TTLL6: variants seen among roughly 807,000 people sequenced by gnomAD.
The protein encoded by TTLL6 is tubulin tyrosine ligase like 6.
A neutral mutation model predicts 96.4 loss-of-function variants in TTLL6; 75 were observed. The observed-to-expected ratio is 0.78, with a 90% CI of 0.65 to 0.94. The LOEUF is 0.94. Ranked by LOEUF, TTLL6 falls within the 40% of genes least tolerant of loss-of-function variation. The pLI is 0.00. For synonymous variants in TTLL6, 411 were observed against 419.4 expected (o/e 0.98, Z 0.24); for missense variants, 1,030 against 1,093.0 (o/e 0.94, Z 0.81).
At chr17:48,765,902 G>A (rs1469792457) in intron 15 of TTLL6, 1 of 152,222 alleles carries the variant, frequency 6.6e-6, no homozygotes, top group Non-Finnish European at 1.5e-5. Context: ...TATTATGGCA[G>A]AAAAGATCTA....
chr17:48,812,562 A>T (rs2039611898), intron 1 of TTLL6, among the ~76,000 whole-genome samples: 1 of 152,216 alleles, frequency 6.6e-6, no homozygotes, highest in African/African-American at 2.4e-5. Flanking sequence ...TACTCATTTG[A>T]CTTAATGCAA....
rs148387198 is a variant in TTLL6 at position 48,778,614 on chromosome 17, A to T, written c.2040+6309T>A. ...AGTTTGAAACCAGCCTGGGCAACAA[A>T]GCAAGACTCAGTCTCTTAAAAAAAA... On this transcript the variant is annotated intron_variant, in intron 13 of 15. Coordinates refer to ENST00000393382, the MANE Select transcript of TTLL6 (RefSeq NM_001130918.3). Among the ~76,000 whole-genome samples, 610 of 148,642 alleles carry T rather than the reference A, an allele frequency of 4.1e-3. 1 individual carries two copies. The highest frequency in any genetic ancestry group is 0.014 in the African/African-American group (564 of 40,258).
rs769896244 is a variant in TTLL6, at chr17:48,790,144, C to A, written c.1225-38G>T. The A allele has an allele frequency of 1.9e-6, 3 of 1,606,090 alleles. No individual in the cohort carries two copies. The South Asian group carries it at 3.3e-5, about 18-fold the overall frequency. ...GATTGGCAGCTGGTGACAAAGCCGT[C>A]CAGAATGAAAGCAGAGAGTGAGGCC... On this transcript the variant is annotated intron_variant, in intron 9 of 15. Coordinates refer to ENST00000393382, the MANE Select transcript of TTLL6 (RefSeq NM_001130918.3).
chr17:48,793,810 T>C (rs777420041), intron 8 of TTLL6, among the ~76,000 whole-genome samples: 3 of 151,976 alleles, frequency 2.0e-5, no homozygotes, highest in Non-Finnish European at 4.4e-5. Context: ...CTTCATAGTG[T>C]TGTTGTGAGG....
At chr17:48,784,857 G>T in intron 13 of TTLL6, 66 bp downstream of exon 13, 1 of 1,408,742 alleles carries the variant, frequency 7.1e-7, no homozygotes, top group Non-Finnish European at 9.9e-7. Flanking sequence ...AGCAAGTTGG[G>T]GGTAGAGAAA....
intron 9 of TTLL6, among the ~76,000 whole-genome samples, chr17:48,790,756 C>G (rs1292724311): frequency 6.6e-6 from 1 of 152,180 alleles, no homozygotes; most frequent in Non-Finnish European, 1.5e-5. Flanking sequence ...TTCTCCACCC[C>G]AGAGTCTGAC....
chr17:48,776,494 G>T (rs1221836619), intron 13 of TTLL6, among the ~76,000 whole-genome samples: 1 of 151,934 alleles, frequency 6.6e-6, no homozygotes, highest in Non-Finnish European at 1.5e-5. Flanking sequence ...ATTCAAGATA[G>T]TATACATTAA....
chr17:48,772,628 G>A (rs2038770752), intron 13 of TTLL6, among the ~76,000 whole-genome samples: 1 of 151,870 alleles, frequency 6.6e-6, no homozygotes, highest in Non-Finnish European at 1.5e-5. Context: ...CTACTCGGGA[G>A]GCTGAGGCAG....
At position 48,801,337 on chromosome 17, in the gene TTLL6, G is replaced by A. The variant is rs753627167; in HGVS notation, c.529C>T (p.Leu177=). 6.4e-7 allele frequency: 1 copy of A among 1,551,692 alleles called. No homozygotes were observed. Among genetic ancestry groups the A allele is most frequent in the South Asian group, 1.2e-5 (1 of 84,062 alleles). ...AACATGCGGCTCATGTTCCTGGCCA[G>A]CAAGTCCTTCCGGCAGATTTCACTC... The part of the protein sequence containing the change: ...GMSEICRKDL[L]ARNMSRMLKM... Residue 177 remains leucine, a synonymous_variant, in exon 5 of 16, where the codon CTG becomes TTG. Coordinates refer to ENST00000393382, the MANE Select transcript of TTLL6 (RefSeq NM_001130918.3).
At chr17:48,774,237 T>G (rs1484386776) in intron 13 of TTLL6, among the ~76,000 whole-genome samples, 1,659 of 135,562 alleles carry the variant, frequency 0.012, 18 homozygotes, top group Non-Finnish European at 0.021. Context: ...TTTGTTGTTT[T>G]TTTTTTTTTT....
intron 15 of TTLL6, among the ~76,000 whole-genome samples, chr17:48,766,561 C>CT (rs35498444): frequency 3.3e-5 from 5 of 152,054 alleles, no homozygotes; most frequent in Admixed American, 2.6e-4. Flanking sequence ...CTACATCATC[C>CT]TTTTTTAAAT....
chr17:48,774,226 G>GTTT (rs1260566203), intron 13 of TTLL6, among the ~76,000 whole-genome samples: 6 of 109,490 alleles, frequency 5.5e-5, no homozygotes, highest in African/African-American at 1.7e-4. Context: ...CAAAATCCAG[G>GTTT]TTTGTTGTTT....
rs1404849664 is a variant in TTLL6, at chr17:48,769,054, T to C, written c.2611A>G (p.Met871Val). Residue 871 changes from methionine (M) to valine (V), a missense_variant, in exon 15 of 16, where the codon ATG (methionine) becomes GTG (valine). Physicochemically the swap from Met to Val is conservative, Grantham distance 21. Transcript: ENST00000393382. ...TGGCTGTATGCTTCTTGATCCTGCA[T>C]ACATGGGTCCCTCATAGCACTTGCG... is the stretch of plus-strand genomic sequence containing the variant. The part of the protein sequence containing the change: ...SHASAMRDPC[M>V]QDQEAYSHCL... 1.9e-6 allele frequency: 3 copies of C among 1,614,112 alleles called. No individual in the cohort carries two copies. The highest frequency in any genetic ancestry group is 2.2e-5 in the South Asian group (2 of 91,090).
intron 8 of TTLL6, 101 bp downstream of exon 8, chr17:48,795,960 G>C: frequency 6.4e-6 from 6 of 942,930 alleles, no homozygotes; most frequent in Non-Finnish European, 9.7e-6. Flanking sequence ...TGTGACCCAA[G>C]ATGGAAACAC....
chr17:48,802,416 C>T (rs1306818336), intron 3 of TTLL6, among the ~76,000 whole-genome samples: 1 of 152,208 alleles, frequency 6.6e-6, no homozygotes, highest in Non-Finnish European at 1.5e-5. Context: ...TTCAAAACCA[C>T]ATTTGTGATG....
chr17:48,809,871 C>T (rs1010041469), intron 1 of TTLL6, among the ~76,000 whole-genome samples: 3 of 151,732 alleles, frequency 2.0e-5, no homozygotes, highest in South Asian at 2.1e-4. Context: ...AAAGAAAGGC[C>T]GGGCGCGGTG....
chr17:48,787,662 C>T (rs1172723800), intron 11 of TTLL6, 149 bp downstream of exon 11: 2 of 692,686 alleles, frequency 2.9e-6, no homozygotes, highest in East Asian at 5.5e-5. Flanking sequence ...TCCTAAAGTG[C>T]TAGGACTACA....
At chr17:48,814,044 T>C (rs1598009189) in intron 1 of TTLL6, among the ~76,000 whole-genome samples, 1 of 151,982 alleles carries the variant, frequency 6.6e-6, no homozygotes, top group South Asian at 2.1e-4. Context: ...TAAGGCTGGG[T>C]GCGGTGGCTC....
chr17:48,777,050 C>A (rs909628494), intron 13 of TTLL6, among the ~76,000 whole-genome samples: 19 of 93,882 alleles, frequency 2.0e-4, no homozygotes, highest in African/African-American at 4.4e-4. Flanking sequence ...ACACACACAC[C>A]CCTAAAAAAT....
Sources: gnomAD v4.1 joint callset for allele counts (sites outside exome capture counted in the v4.1 genomes callset) on GRCh38, gnomAD v4.1.1 for gene constraint, MANE v1.5 for transcripts, NCBI Gene and HGNC (gene_info 2026-07-23, HGNC 2026-07-21) for gene names.